The following RALY variants were observed in gnomAD, a reference collection of about 807,000 sequenced individuals.
The protein encoded by RALY is RALY heterogeneous nuclear ribonucleoprotein.
A neutral mutation model predicts 30.7 loss-of-function variants in RALY; 15 were observed. The observed-to-expected ratio is 0.49, with a 90% CI of 0.33 to 0.75. The LOEUF (loss-of-function observed/expected upper bound fraction) is 0.75, where lower values mean the gene tolerates loss of function less well. Among genes scored for constraint, RALY ranks in the 30% least tolerant of loss-of-function variants. The probability of loss-of-function intolerance (pLI) is 0.02; values close to 1 mark genes in which losing one functional copy is unlikely to be tolerated. For synonymous variants in RALY, 177 were observed against 170.8 expected (o/e 1.04, Z -0.28); for missense variants, 339 against 414.3 (o/e 0.82, Z 1.58).
chr20:34,028,659 G>A (rs1237608105), intron 1 of RALY, among the ~76,000 whole-genome samples: 5 of 131,772 alleles, frequency 3.8e-5, no homozygotes, highest in Admixed American at 2.6e-4. Flanking sequence ...AGCCTAGATC[G>A]TGTCACTGCA....
intron 1 of RALY, among the ~76,000 whole-genome samples, chr20:34,003,057 G>A (rs2030990969): frequency 2.6e-5 from 4 of 152,144 alleles, no homozygotes; most frequent in Admixed American, 2.6e-4. Context: ...CTAGTAAATG[G>A]AAATGGTGGG....
rs571061678 is a variant in RALY at position 34,047,603 on chromosome 20, G to A, written c.-10+15999G>A. 5.9e-5 allele frequency among the ~76,000 whole-genome samples: 9 copies of A among 152,282 alleles called. 1 individual carries two copies. The highest frequency in any genetic ancestry group is 2.1e-4 in the South Asian group (1 of 4,826). ...TTGGTTTGATAGAGCTTTAGTCTTC[G>A]GAGTCGCACAGACCTGAGTTCAAAT... is the stretch of plus-strand genomic sequence containing the variant. On this transcript the variant is annotated intron_variant, in intron 2 of 9. Coordinates refer to ENST00000246194, the MANE Select transcript of RALY (RefSeq NM_016732.3).
At chr20:34,034,543 T>C (rs1473867985) in intron 2 of RALY, among the ~76,000 whole-genome samples, 1 of 152,196 alleles carries the variant, frequency 6.6e-6, no homozygotes, top group Non-Finnish European at 1.5e-5. Context: ...TGATTCCACG[T>C]AAATAAGTGT....
chr20:34,049,450 G>T (rs907933924), intron 2 of RALY, among the ~76,000 whole-genome samples: 2 of 152,126 alleles, frequency 1.3e-5, no homozygotes, highest in African/African-American at 2.4e-5. Context: ...GTTTAATGAG[G>T]CAAGCAGGCT....
intron 2 of RALY, among the ~76,000 whole-genome samples, chr20:34,034,146 T>C (rs2032387376): frequency 6.6e-6 from 1 of 152,208 alleles, no homozygotes; most frequent in African/African-American, 2.4e-5. Flanking sequence ...CTTTTGGCCC[T>C]AGGTTCCCTG....
chr20:34,052,317 C>T (rs1472021154), intron 2 of RALY, among the ~76,000 whole-genome samples: 1 of 152,102 alleles, frequency 6.6e-6, no homozygotes, highest in African/African-American at 2.4e-5. Flanking sequence ...TCTTGAGGAA[C>T]CCTGGTTTTC....
chr20:34,004,190 G>C (rs2122985459), intron 1 of RALY, among the ~76,000 whole-genome samples: 1 of 152,328 alleles, frequency 6.6e-6, no homozygotes, highest in Non-Finnish European at 1.5e-5. Flanking sequence ...GAGGGGCAGA[G>C]GGGGAGTTCC....
At position 34,084,570 on chromosome 20, in the gene RALY, A is replaced by G. The variant is rs1396907487; in HGVS notation, c.*4665A>G. ...CTTTATCTAAACTCTGTGACCGATC[A>G]ATAGCATATGATGGTGGTGGTGCTC... On this transcript the variant is annotated 3_prime_UTR_variant, in exon 10 of 10. Coordinates refer to ENST00000246194, the MANE Select transcript of RALY (RefSeq NM_016732.3). 6.6e-6 allele frequency: 1 copy of G among 152,280 alleles called. No homozygotes were observed. The highest frequency in any genetic ancestry group is 1.9e-4 in the East Asian group (1 of 5,202). The allele number at this position is 152,280 out of a possible 1,614,324, so 9.4% of individuals were successfully genotyped here.
At chr20:34,033,338 A>G (rs2032355488) in intron 2 of RALY, 1 of 152,238 alleles carries the variant, frequency 6.6e-6, no homozygotes, top group South Asian at 2.1e-4. Context: ...AAGCATTTTA[A>G]GTGTCTGTCT....
At chr20:34,014,102 T>G (rs189674795) in intron 1 of RALY, among the ~76,000 whole-genome samples, 1 of 152,208 alleles carries the variant, frequency 6.6e-6, no homozygotes, top group Non-Finnish European at 1.5e-5. Flanking sequence ...TTGAACAGAT[T>G]AAGTTTGCGT....
At chr20:34,002,430 A>G (rs1035864647) in intron 1 of RALY, among the ~76,000 whole-genome samples, 19 of 152,328 alleles carry the variant, frequency 1.2e-4, no homozygotes, top group African/African-American at 4.6e-4. Context: ...AAAAACCAAC[A>G]AGACATAATT....
chr20:34,001,010 G>A (rs773166354), intron 1 of RALY, among the ~76,000 whole-genome samples: 3 of 152,196 alleles, frequency 2.0e-5, no homozygotes, highest in Non-Finnish European at 4.4e-5. Context: ...CTTTGCTAAA[G>A]TATTGAGAGT....
At chr20:34,062,976 G>A (rs1431375436) in intron 2 of RALY, among the ~76,000 whole-genome samples, 1 of 152,170 alleles carries the variant, frequency 6.6e-6, no homozygotes, top group Non-Finnish European at 1.5e-5. Flanking sequence ...AGTGTTAGGA[G>A]GTAGAGGAAG....
chr20:34,011,689 T>A (rs912297924), intron 1 of RALY, among the ~76,000 whole-genome samples: 1 of 152,166 alleles, frequency 6.6e-6, no homozygotes, highest in Non-Finnish European at 1.5e-5. Context: ...GGCTACCATA[T>A]CCCTTCTCGT....
intron 2 of RALY, among the ~76,000 whole-genome samples, chr20:34,042,230 C>T (rs568225340): frequency 4.5e-4 from 68 of 152,262 alleles, no homozygotes; most frequent in Non-Finnish European, 8.4e-4. Flanking sequence ...AGACGATCCC[C>T]GCTCCCGCCG....
chr20:33,995,362 C>T (rs1165044016), intron 1 of RALY, among the ~76,000 whole-genome samples: 1 of 152,134 alleles, frequency 6.6e-6, no homozygotes, highest in Non-Finnish European at 1.5e-5. Context: ...GTTCCTCCTC[C>T]CAGACCTTGC....
intron 1 of RALY, among the ~76,000 whole-genome samples, chr20:34,007,629 G>A (rs565330319): frequency 3.5e-4 from 53 of 151,744 alleles, no homozygotes; most frequent in African/African-American, 1.3e-3. Context: ...AGACCAGCCT[G>A]ACCAATATGG....
rs571118371 is a variant in RALY, at chr20:34,002,283, G to A, written c.-93+8152G>A. On this transcript the variant is annotated intron_variant, in intron 1 of 9. Transcript: ENST00000246194. Reference sequence around the variant, plus strand: ...TTAAAATCAACCCTTACTAAAATTAGGGTTCAGAGGAAGTTACTTAGTTGC... The same window carrying A: ...TTAAAATCAACCCTTACTAAAATTAAGGTTCAGAGGAAGTTACTTAGTTGC... 3.3e-5 allele frequency among the ~76,000 whole-genome samples: 5 copies of A among 152,204 alleles called. No individual in the cohort carries two copies. In the East Asian group the frequency reaches 7.8e-4, roughly 24 times the overall value.
intron 2 of RALY, among the ~76,000 whole-genome samples, chr20:34,034,290 CTG>C (rs969165205): frequency 6.6e-6 from 1 of 152,194 alleles, no homozygotes; most frequent in African/African-American, 2.4e-5. Flanking sequence ...TCTCTTCGCA[CTG>C]TGTTTTAACA....
Sources: allele counts gnomAD v4.1 joint callset (sites outside exome capture counted in the v4.1 genomes callset), GRCh38; gene constraint gnomAD v4.1.1; transcripts MANE v1.5; gene names NCBI Gene and HGNC (gene_info 2026-07-23, HGNC 2026-07-21).